Variants in RSRC1 observed in about 807,000 individuals in gnomAD.
RSRC1 encodes the protein serine/Arginine-related protein 53.
Under a neutral mutation model 49.1 loss-of-function variants are expected in RSRC1, and 39 were observed. The ratio of observed to expected loss-of-function variants is 0.79; its 90% confidence interval spans 0.61 to 1.04. The LOEUF is 1.04. RSRC1 is among the 50% of genes least tolerant of loss of function. The pLI, the probability that RSRC1 is intolerant of heterozygous loss-of-function variation, is 0.00. For synonymous variants in RSRC1, 143 were observed against 130.8 expected, an observed-to-expected ratio of 1.09 and a Z score of -0.63; for missense variants, 388 against 402.4, an observed-to-expected ratio of 0.96 and a Z score of 0.31.
At chr3:158,471,069 A>G (rs1368392285) in intron 7 of RSRC1, among the ~76,000 whole-genome samples, 2 of 152,224 alleles carry the variant, frequency 1.3e-5, no homozygotes, top group African/African-American at 4.8e-5. Flanking sequence ...GAGCAAGATT[A>G]TACATCTGAA....
chr3:158,315,898 A>G (rs990131837), intron 5 of RSRC1, among the ~76,000 whole-genome samples: 2 of 152,160 alleles, frequency 1.3e-5, no homozygotes, highest in African/African-American at 4.8e-5. Flanking sequence ...TAGGCCAGGC[A>G]TGGTGGCTCA....
intron 5 of RSRC1, among the ~76,000 whole-genome samples, chr3:158,311,523 G>A (rs1240877577): frequency 1.3e-5 from 2 of 151,476 alleles, no homozygotes; most frequent in Non-Finnish European, 3.0e-5. Flanking sequence ...AAAATTGCTG[G>A]AAACCTTGGG....
intron 7 of RSRC1, among the ~76,000 whole-genome samples, chr3:158,525,043 G>A (rs562546092): frequency 1.3e-5 from 2 of 151,806 alleles, no homozygotes; most frequent in African/African-American, 4.8e-5. Context: ...GACACAAAAA[G>A]CACAAACCAT....
chr3:158,460,154 A>G lies in RSRC1; in HGVS notation c.584-781A>G, dbSNP rs530593454. On this transcript the variant is annotated intron_variant, in intron 6 of 9. Coordinates refer to ENST00000611884, the MANE Select transcript of RSRC1 (RefSeq NM_001271838.2). ...ACTTTTTTAACTTAATATTTCATCA[A>G]CTATAATGCTATTAGAGACTTATTT... Among the ~76,000 whole-genome samples, 4 of 152,036 alleles carry G rather than the reference A, an allele frequency of 2.6e-5. No homozygotes were observed. In the South Asian group the frequency reaches 6.2e-4, roughly 24 times the overall value.
intron 6 of RSRC1, among the ~76,000 whole-genome samples, chr3:158,425,157 T>C (rs534969818): frequency 1.3e-5 from 2 of 152,166 alleles, no homozygotes; most frequent in South Asian, 4.1e-4. Context: ...TTCTAGTTCT[T>C]TTAATTGTGA....
intron 7 of RSRC1, among the ~76,000 whole-genome samples, chr3:158,521,035 G>A (rs1199888406): frequency 6.6e-6 from 1 of 152,020 alleles, no homozygotes; most frequent in African/African-American, 2.4e-5. Flanking sequence ...CATCTGTATG[G>A]ATTAATACAT....
chr3:158,244,349 A>G (rs933945460), intron 4 of RSRC1, among the ~76,000 whole-genome samples: 2 of 152,184 alleles, frequency 1.3e-5, no homozygotes, highest in Admixed American at 6.5e-5. Flanking sequence ...GAATTTTATT[A>G]GAGGCCTTCT....
At chr3:158,305,273 G>A (rs1013491891) in intron 5 of RSRC1, among the ~76,000 whole-genome samples, 2 of 151,950 alleles carry the variant, frequency 1.3e-5, no homozygotes, top group African/African-American at 2.4e-5. Flanking sequence ...AGGACAAGAT[G>A]TCATGCAATT....
At chr3:158,361,537 C>G (rs1253268797) in intron 6 of RSRC1, among the ~76,000 whole-genome samples, 2 of 152,202 alleles carry the variant, frequency 1.3e-5, no homozygotes, top group Admixed American at 6.5e-5. Flanking sequence ...CATGCCTCCC[C>G]CACTGTGGAC....
chr3:158,425,207 G>T (rs56290300), intron 6 of RSRC1, among the ~76,000 whole-genome samples: 2 of 151,930 alleles, frequency 1.3e-5, no homozygotes, highest in Admixed American at 6.6e-5. Flanking sequence ...GCTTTGTCTT[G>T]TGGGCATTTA....
chr3:158,289,643 A>T (rs1726796245), intron 4 of RSRC1, among the ~76,000 whole-genome samples: 1 of 152,224 alleles, frequency 6.6e-6, no homozygotes, highest in Non-Finnish European at 1.5e-5. Flanking sequence ...ATTTAGAGCC[A>T]CTAATTTGCA....
intron 1 of RSRC1, among the ~76,000 whole-genome samples, chr3:158,114,234 T>C (rs931727170): frequency 5.3e-5 from 8 of 152,168 alleles, no homozygotes; most frequent in Non-Finnish European, 1.0e-4. Context: ...GTTCTCCCAG[T>C]ACCATTTATT....
chr3:158,327,482 A>G (rs556036342), intron 5 of RSRC1, among the ~76,000 whole-genome samples: 436 of 152,220 alleles, frequency 2.9e-3, no homozygotes, highest in African/African-American at 0.01. Context: ...CCTTCATTTC[A>G]TTATGTATCG....
intron 6 of RSRC1, among the ~76,000 whole-genome samples, chr3:158,407,535 CTTACT>C (rs1248710224): frequency 6.6e-6 from 1 of 152,146 alleles, no homozygotes; most frequent in Non-Finnish European, 1.5e-5. Flanking sequence ...TGCCTCACAA[CTTACT>C]TTATTTGGTA....
intron 6 of RSRC1, among the ~76,000 whole-genome samples, chr3:158,402,150 G>T (rs569374057): frequency 3.4e-4 from 51 of 152,030 alleles, no homozygotes; most frequent in South Asian, 1.0e-3. Context: ...TATAGCTAGA[G>T]TTTAATTATT....
At chr3:158,186,168 C>G (rs558724930) in intron 3 of RSRC1, among the ~76,000 whole-genome samples, 2 of 152,050 alleles carry the variant, frequency 1.3e-5, no homozygotes, top group African/African-American at 4.8e-5. Context: ...TCTTCTGTCA[C>G]TTCATAAATA....
At chr3:158,318,049 T>TG (rs750765594) in intron 5 of RSRC1, among the ~76,000 whole-genome samples, 281 of 148,056 alleles carry the variant, frequency 1.9e-3, no homozygotes, top group Non-Finnish European at 3.2e-3. Context: ...GTGTGTGTGT[T>TG]TGTTTTTGGC....
intron 6 of RSRC1, among the ~76,000 whole-genome samples, chr3:158,448,362 C>T (rs1428794044): frequency 6.6e-6 from 1 of 151,536 alleles, no homozygotes; most frequent in African/African-American, 2.4e-5. Flanking sequence ...TTACTGTAGC[C>T]AAGCAGTTTA....
chr3:158,145,051 A>G (rs1716998333), intron 3 of RSRC1, among the ~76,000 whole-genome samples: 2 of 152,084 alleles, frequency 1.3e-5, no homozygotes, highest in South Asian at 2.1e-4. Flanking sequence ...AGATGAGTAG[A>G]TTGCAAACAT....
Sources: allele counts gnomAD v4.1 joint callset (sites outside exome capture counted in the v4.1 genomes callset), GRCh38; gene constraint gnomAD v4.1.1; transcripts MANE v1.5; gene names NCBI Gene and HGNC (gene_info 2026-07-23, HGNC 2026-07-21).